PAK5: variants seen among roughly 807,000 people sequenced by gnomAD.
PAK5 encodes the protein serine/threonine-protein kinase PAK 5.
In PAK5, 16 loss-of-function variants were observed where a neutral mutation model predicts 65.9. The ratio of observed to expected loss-of-function variants is 0.24; its 90% CI spans 0.16 to 0.37. The LOEUF (loss-of-function observed/expected upper bound fraction) is 0.37. Among genes scored for constraint, PAK5 ranks in the 10% least tolerant of loss-of-function variants. The pLI, the probability that PAK5 is intolerant of heterozygous loss-of-function variation, is 1.00. For missense variants in PAK5, 785 were observed against 903.9 expected (o/e 0.87, Z 1.69); for synonymous variants, 371 against 354.9 (o/e 1.05, Z -0.51).
At chr20:9,583,839 G>T (rs191532192) in intron 3 of PAK5, among the ~76,000 whole-genome samples, 1 of 152,076 alleles carries the variant, frequency 6.6e-6, no homozygotes, top group African/African-American at 2.4e-5. Context: ...TTATTGTTTT[G>T]TCTATTCCAG....
intron 3 of PAK5, among the ~76,000 whole-genome samples, chr20:9,586,248 A>T (rs1454501090): frequency 6.6e-6 from 1 of 152,168 alleles, no homozygotes; most frequent in Non-Finnish European, 1.5e-5. Flanking sequence ...GGACACAGGT[A>T]ATTTAGAAGG....
At chr20:9,728,313 T>C (rs2048298947) in intron 1 of PAK5, among the ~76,000 whole-genome samples, 1 of 152,150 alleles carries the variant, frequency 6.6e-6, no homozygotes, top group Non-Finnish European at 1.5e-5. Context: ...TTTTATTGTT[T>C]CTAAGTCACC....
rs568051800 is a variant in PAK5, at chr20:9,759,617, C to A, written c.-161-48182G>T. Among the ~76,000 whole-genome samples the A allele has an allele frequency of 4.6e-5, 7 of 152,242 alleles. No homozygotes were observed. The South Asian group carries it at 1.5e-3, about 32-fold the overall frequency. On this transcript the variant is annotated intron_variant, in intron 1 of 9. Coordinates refer to ENST00000353224, the MANE Select transcript of PAK5 (RefSeq NM_177990.4). The stretch of plus-strand genomic sequence containing the variant: ...AAAGGGATCCTCACTTTGAGTAGCC[C>A]TGCCCTGAACAAAGTTACATCTTGA...
intron 2 of PAK5, among the ~76,000 whole-genome samples, chr20:9,695,809 A>G (rs74934606): frequency 6.6e-6 from 1 of 152,034 alleles, no homozygotes; most frequent in African/African-American, 2.4e-5. Context: ...TCTAAAAAAA[A>G]AAATTCAACT....
At chr20:9,788,837 A>G (rs2049020210) in intron 1 of PAK5, among the ~76,000 whole-genome samples, 1 of 152,142 alleles carries the variant, frequency 6.6e-6, no homozygotes, top group Admixed American at 6.6e-5. Context: ...ACTAGTATTT[A>G]AACCCAGGGG....
At chr20:9,639,336 CAT>C (rs1395815837) in intron 3 of PAK5, among the ~76,000 whole-genome samples, 23 of 152,224 alleles carry the variant, frequency 1.5e-4, no homozygotes, top group African/African-American at 5.5e-4. Flanking sequence ...TAACTGAACT[CAT>C]ATGTGGAGAC....
chr20:9,774,923 T>A (rs2048871248), intron 1 of PAK5, among the ~76,000 whole-genome samples: 1 of 152,038 alleles, frequency 6.6e-6, no homozygotes, highest in African/African-American at 2.4e-5. Context: ...GCCACCGCAC[T>A]CCAGCCTGGG....
At chr20:9,547,964 G>A (rs1452791131) in intron 7 of PAK5, among the ~76,000 whole-genome samples, 2 of 152,186 alleles carry the variant, frequency 1.3e-5, no homozygotes, top group African/African-American at 2.4e-5. Flanking sequence ...GGGGGCATTT[G>A]TTTGCACAGA....
intron 2 of PAK5, among the ~76,000 whole-genome samples, chr20:9,676,880 C>T (rs934246561): frequency 1.3e-5 from 2 of 152,106 alleles, no homozygotes; most frequent in Admixed American, 1.3e-4. Context: ...TGCATTAATG[C>T]ATATCTGATA....
In PAK5 at chr20:9,727,022, T is replaced by C. The variant is rs1234877245; in HGVS notation, c.-161-15587A>G. Reference sequence around the variant, plus strand: ...AAATCTAGTGCAGTTCCTGAAGTTGTATGGCCTTTGTTTTCTTTCTAGAAA... The same window carrying C: ...AAATCTAGTGCAGTTCCTGAAGTTGCATGGCCTTTGTTTTCTTTCTAGAAA... On this transcript the variant is annotated intron_variant, in intron 1 of 9. Coordinates refer to ENST00000353224, the MANE Select transcript of PAK5 (RefSeq NM_177990.4). 2.6e-5 allele frequency among the ~76,000 whole-genome samples: 4 copies of C among 152,244 alleles called. No homozygotes were observed. The East Asian group carries it at 5.8e-4, about 22-fold the overall frequency.
chr20:9,787,939 A>G (rs751046788), intron 1 of PAK5, among the ~76,000 whole-genome samples: 1 of 151,746 alleles, frequency 6.6e-6, no homozygotes, highest in Non-Finnish European at 1.5e-5. Flanking sequence ...AATTTTAATA[A>G]TAGCTAAAAA....
intron 2 of PAK5, among the ~76,000 whole-genome samples, chr20:9,677,852 C>A (rs2047595783): frequency 6.6e-6 from 1 of 152,176 alleles, no homozygotes; most frequent in Non-Finnish European, 1.5e-5. Context: ...ATGCTCATCA[C>A]CACTTAAAAT....
intron 1 of PAK5, among the ~76,000 whole-genome samples, chr20:9,729,754 A>G (rs1028400245): frequency 6.6e-6 from 1 of 150,852 alleles, no homozygotes; most frequent in African/African-American, 2.4e-5. Flanking sequence ...AAGATAGAAG[A>G]AACCTGTGGT....
chr20:9,703,994 T>G (rs2123469634), intron 2 of PAK5, among the ~76,000 whole-genome samples: 1 of 152,276 alleles, frequency 6.6e-6, no homozygotes, highest in Middle Eastern at 3.4e-3. Flanking sequence ...GCTGTTCTTC[T>G]CTGTCAGAAA....
chr20:9,704,952 C>T (rs1263248157), intron 2 of PAK5, among the ~76,000 whole-genome samples: 2 of 152,154 alleles, frequency 1.3e-5, no homozygotes, highest in African/African-American at 4.8e-5. Context: ...TTCTCTTTCC[C>T]ACAGGAGCAA....
chr20:9,539,088 CTTT>C lies in PAK5; in HGVS notation c.*371_*373del, dbSNP rs556134977. ...AAGTGCTTTTTGTTTTCCTTTCTTT[CTTT>C]TTTTTTTTTTTTTGCCAGAAAAGTA... On this transcript the variant is annotated 3_prime_UTR_variant, in exon 10 of 10. Transcript: ENST00000353224. The C allele has an allele frequency of 1.6e-3, 338 of 210,690 alleles. No homozygotes were observed. Among genetic ancestry groups the C allele is most frequent in the Middle Eastern group, 4.2e-3 (3 of 708 alleles). The allele number at this position is 210,690 out of a possible 1,614,324, so 13.1% of individuals were successfully genotyped here.
At position 9,618,915 on chromosome 20, in the gene PAK5, G is replaced by GTTTTTTTTT. The variant is rs150725498; in HGVS notation, c.204+25201_204+25209dup. ...AGATTCTTTTCTCTCTCTTTCTTTC[G>GTTTTTTTTT]TTTTTTTTTTTTTTTTTTTTTTTTT... On this transcript the variant is annotated intron_variant, in intron 3 of 9. Transcript: ENST00000353224. 4.2e-4 allele frequency among the ~76,000 whole-genome samples: 8 copies of GTTTTTTTTT among 18,840 alleles called. 1 individual carries two copies. Among genetic ancestry groups the GTTTTTTTTT allele is most frequent in the Admixed American group, 9.0e-4 (1 of 1,114 alleles). The allele number at this position is 18,840 out of a possible 152,430, so 12.4% of individuals were successfully genotyped here. A position where few individuals can be genotyped will look rare whatever the true frequency, so the allele number is the denominator to read the frequency against.
chr20:9,834,815 T>C (rs974599494), intron 1 of PAK5, among the ~76,000 whole-genome samples: 8 of 152,150 alleles, frequency 5.3e-5, no homozygotes, highest in Non-Finnish European at 7.4e-5. Context: ...ATAATGATTA[T>C]TATTTATTGT....
chr20:9,558,361 C>T (rs1486933133), intron 6 of PAK5, among the ~76,000 whole-genome samples: 11 of 151,884 alleles, frequency 7.2e-5, no homozygotes, highest in South Asian at 2.1e-4. Context: ...GTGATCCACC[C>T]GCCTCAGCCT....
Sources: allele counts gnomAD v4.1 joint callset (sites outside exome capture counted in the v4.1 genomes callset), GRCh38; gene constraint gnomAD v4.1.1; transcripts MANE v1.5; gene names NCBI Gene and HGNC (gene_info 2026-07-23, HGNC 2026-07-21).